The following ACO2 variants were observed in gnomAD, a reference collection of about 807,000 sequenced individuals.
ACO2 encodes aconitase 2, also known as aconitate hydratase, mitochondrial.
ACO2 carries 31 observed loss-of-function variants against 84.5 expected under a neutral mutation model. That is an observed-to-expected ratio of 0.37 (90% CI 0.28 to 0.50). The LOEUF (loss-of-function observed/expected upper bound fraction) is 0.50. Among genes scored for constraint, ACO2 ranks in the 20% least tolerant of loss-of-function variants. The probability of loss-of-function intolerance (pLI) is 0.97; values close to 1 mark genes in which losing one functional copy is unlikely to be tolerated. For synonymous variants in ACO2, 414 were observed against 412.7 expected (o/e 1.00, Z -0.04); for missense variants, 685 against 1,029.3 (o/e 0.67, Z 4.58).
chr22:41,505,788 T>A (rs150489284), intron 2 of ACO2, among the ~76,000 whole-genome samples: 128 of 151,488 alleles, frequency 8.4e-4, no homozygotes, highest in African/African-American at 3.0e-3. Flanking sequence ...AACCAAGGGG[T>A]GGGGAAACTT....
chr22:41,481,889 G>T (rs1424371416), intron 1 of ACO2, among the ~76,000 whole-genome samples: 1 of 151,978 alleles, frequency 6.6e-6, no homozygotes, highest in Non-Finnish European at 1.5e-5. Context: ...ACCATTTTTT[G>T]TCCCCATGGA....
intron 1 of ACO2, among the ~76,000 whole-genome samples, chr22:41,473,834 G>C (rs1261334041): frequency 6.6e-6 from 1 of 152,184 alleles, no homozygotes; most frequent in South Asian, 2.1e-4. Context: ...CACCCACCTA[G>C]GTATGAGCTG....
chr22:41,512,993 G>A (rs112430766), intron 4 of ACO2, among the ~76,000 whole-genome samples: 3 of 152,214 alleles, frequency 2.0e-5, no homozygotes, highest in African/African-American at 7.2e-5. Context: ...ATCTGACGCC[G>A]CATGGGCTCC....
At chr22:41,489,771 T>C (rs1289122321) in intron 1 of ACO2, among the ~76,000 whole-genome samples, 3 of 152,036 alleles carry the variant, frequency 2.0e-5, no homozygotes. Flanking sequence ...TGGGTTAAAA[T>C]GGTGGTAATC....
At chr22:41,500,368 A>G (rs1020741297) in intron 2 of ACO2, among the ~76,000 whole-genome samples, 1 of 147,772 alleles carries the variant, frequency 6.8e-6, no homozygotes, top group Non-Finnish European at 1.5e-5. Flanking sequence ...ATTTATATAT[A>G]TAAAATAAAA....
At chr22:41,498,327 T>A (rs74468682) in intron 1 of ACO2, among the ~76,000 whole-genome samples, 1 of 151,950 alleles carries the variant, frequency 6.6e-6, no homozygotes, top group Non-Finnish European at 1.5e-5. Flanking sequence ...AAAAAAAAAT[T>A]AACTAATACA....
At chr22:41,520,599 T>TTGGGAGGCCGAGA (rs2066516466) in intron 9 of ACO2, among the ~76,000 whole-genome samples, 2 of 151,478 alleles carry the variant, frequency 1.3e-5, no homozygotes, top group African/African-American at 4.9e-5. Flanking sequence ...TCCCAGCACT[T>TTGGGAGGCCGAGA]TGGGAGGCCG....
At chr22:41,516,594 G>A (rs917237425) in intron 6 of ACO2, among the ~76,000 whole-genome samples, 2 of 152,198 alleles carry the variant, frequency 1.3e-5, no homozygotes, top group African/African-American at 4.8e-5. Context: ...CAGGACGTTG[G>A]TAACAGGCCC....
intron 1 of ACO2, among the ~76,000 whole-genome samples, chr22:41,480,396 TG>T (rs2038072950): frequency 6.6e-6 from 1 of 151,816 alleles, no homozygotes; most frequent in African/African-American, 2.4e-5. Context: ...ACAGAAGGAG[TG>T]GATAGATGAG....
At chr22:41,521,632 G>A (rs1282293174) in intron 9 of ACO2, 2 of 152,090 alleles carry the variant, frequency 1.3e-5, no homozygotes, top group East Asian at 1.9e-4. Flanking sequence ...CGAAAATAAG[G>A]GCAATATAAT....
intron 9 of ACO2, among the ~76,000 whole-genome samples, chr22:41,521,837 C>T (rs2146133450): frequency 6.6e-6 from 1 of 151,432 alleles, no homozygotes; most frequent in East Asian, 2.0e-4. Flanking sequence ...TGCAGTGGCA[C>T]AATCTCGGCT....
At position 41,515,986 on chromosome 22, in the gene ACO2, A is replaced by G; in HGVS notation, c.835+69A>G. The stretch of plus-strand genomic sequence containing the variant: ...GCCTGATGGGTCTCCAGTTGGGAGT[A>G]GAAGCGGTGAATGGCCTTCACTTGA... On this transcript the variant is annotated intron_variant, in intron 6 of 17. Transcript: ENST00000216254. The surrounding 1 kb of genome is among the most constrained non-coding windows in gnomAD (Gnocchi z 5.8). The G allele has an allele frequency of 6.4e-7, 1 of 1,555,614 alleles. No homozygotes were observed. The highest frequency in any genetic ancestry group is 1.7e-4 in the Middle Eastern group (1 of 5,990).
At chr22:41,523,160 A>T (rs2066540772) in intron 10 of ACO2, 45 bp from the exon 11 acceptor site, 2 of 1,573,326 alleles carry the variant, frequency 1.3e-6, no homozygotes, top group Non-Finnish European at 1.7e-6. Context: ...TTCCCATCAG[A>T]CTCTCACCCA....
chr22:41,503,272 T>A (rs1057391688), intron 2 of ACO2, among the ~76,000 whole-genome samples: 33 of 152,054 alleles, frequency 2.2e-4, no homozygotes, highest in African/African-American at 7.2e-4. Context: ...TTTTTTTTTT[T>A]AAAGTCCAAT....
At chr22:41,500,782 C>T (rs2066348535) in intron 2 of ACO2, among the ~76,000 whole-genome samples, 1 of 152,166 alleles carries the variant, frequency 6.6e-6, no homozygotes, top group East Asian at 1.9e-4. Flanking sequence ...CGGCTCACTG[C>T]AACCTCCGCC....
intron 2 of ACO2, among the ~76,000 whole-genome samples, chr22:41,502,660 G>A (rs574095967): frequency 1.3e-5 from 2 of 152,194 alleles, no homozygotes; most frequent in Admixed American, 6.5e-5. Context: ...CCAGGCTGGA[G>A]TGCAGTTGTG....
intron 14 of ACO2, 87 bp downstream of exon 14, chr22:41,525,435 A>G: frequency 6.5e-7 from 1 of 1,528,396 alleles, no homozygotes; most frequent in Non-Finnish European, 8.9e-7. Context: ...AACCTGGAGG[A>G]AGTGAGCACA....
intron 3 of ACO2, among the ~76,000 whole-genome samples, chr22:41,510,879 A>T (rs578046411): frequency 1.3e-5 from 2 of 152,188 alleles, no homozygotes; most frequent in African/African-American, 4.8e-5. Context: ...ACAGCCTTCC[A>T]TTTGGGCCCA....
intron 1 of ACO2, among the ~76,000 whole-genome samples, chr22:41,472,283 G>A (rs1568998033): frequency 1.3e-5 from 2 of 151,898 alleles, no homozygotes; most frequent in Non-Finnish European, 1.5e-5. Context: ...AACCCAGGAG[G>A]CGGAAGTTGC....
Sources: gnomAD v4.1 joint callset for allele counts (sites outside exome capture counted in the v4.1 genomes callset) on GRCh38, gnomAD v4.1.1 for gene constraint, Gnocchi (gnomAD v3.1) non-coding constraint, MANE v1.5 for transcripts, NCBI Gene and HGNC (gene_info 2026-07-23, HGNC 2026-07-21) for gene names.